The following WDR44 variants were observed in gnomAD, a reference collection of about 807,000 sequenced individuals.
WDR44 encodes the protein WD repeat-containing protein 44.
In WDR44, 9 loss-of-function variants were observed where a neutral mutation model predicts 65.7. That is an observed-to-expected ratio of 0.14 (90% confidence interval 0.08 to 0.24). The LOEUF is 0.24. Among genes scored for constraint, WDR44 ranks in the 10% least tolerant of loss-of-function variants. The pLI is 1.00. For synonymous variants in WDR44, 220 were observed against 235.2 expected, an observed-to-expected ratio of 0.94 and a Z score of 0.59; for missense variants, 425 against 670.9, an observed-to-expected ratio of 0.63 and a Z score of 4.05.
At chrX:118,415,853 C>A (rs911148489) in intron 12 of WDR44, among the ~76,000 whole-genome samples, 2 of 111,561 alleles carry the variant, frequency 1.8e-5, no homozygotes, top group African/African-American at 6.5e-5. Context: ...CCATTTCAAT[C>A]TCGCTGCTTG....
intron 1 of WDR44, among the ~76,000 whole-genome samples, chrX:118,377,115 T>A (rs1339306560): frequency 9.0e-6 from 1 of 111,574 alleles, no homozygotes; most frequent in Non-Finnish European, 1.9e-5. Context: ...CTCAGTACTT[T>A]GAGAGACTGA....
intron 8 of WDR44, among the ~76,000 whole-genome samples, chrX:118,402,458 A>AAAAAAAAAAAG (rs547508565): frequency 1.2e-5 from 1 of 85,369 alleles, no homozygotes; most frequent in African/African-American, 5.7e-5. Context: ...AAAAAAAAAA[A>AAAAAAAAAAAG]ACATTCAGGA....
intron 1 of WDR44, among the ~76,000 whole-genome samples, chrX:118,357,486 C>G (rs1450364689): frequency 6.4e-5 from 7 of 109,395 alleles, no homozygotes; most frequent in Non-Finnish European, 1.1e-4. Flanking sequence ...CTGAGTAGTT[C>G]ACTAATAGAA....
At chrX:118,448,795 T>C in intron 19 of WDR44, 98 bp from the exon 20 acceptor site, 1 of 471,910 alleles carries the variant, frequency 2.1e-6, no homozygotes, top group Non-Finnish European at 3.4e-6. Context: ...GATGATCTTC[T>C]CCCCTGAAGC....
At chrX:118,404,869 T>A (rs890905361) in intron 9 of WDR44, among the ~76,000 whole-genome samples, 1 of 108,475 alleles carries the variant, frequency 9.2e-6, no homozygotes, top group Non-Finnish European at 1.9e-5. Context: ...CCTGGCTAAT[T>A]TTTTGTGTTT....
intron 1 of WDR44, among the ~76,000 whole-genome samples, chrX:118,376,634 G>A (rs2056662604): frequency 9.0e-6 from 1 of 111,506 alleles, no homozygotes; most frequent in South Asian, 3.8e-4. Context: ...ATGCTTTGAA[G>A]CAGATATCAG....
chrX:118,379,259 A>G (rs1408410776), intron 2 of WDR44, among the ~76,000 whole-genome samples: 1 of 111,273 alleles, frequency 9.0e-6, no homozygotes, highest in African/African-American at 3.3e-5. Flanking sequence ...CAGATAGAGT[A>G]TATATTGTAT....
At chrX:118,346,693 C>T (rs896644281) in intron 1 of WDR44, 113 bp downstream of exon 1, 114 of 598,506 alleles carry the variant, frequency 1.9e-4, no homozygotes, top group Non-Finnish European at 4.8e-5. Context: ...GCTGTTCCTC[C>T]CCGTCTCACT....
intron 12 of WDR44, among the ~76,000 whole-genome samples, chrX:118,422,623 G>A (rs948986151): frequency 2.8e-5 from 3 of 108,233 alleles, no homozygotes; most frequent in South Asian, 4.1e-4. Flanking sequence ...ACCGGGAGGC[G>A]GAGGTTGCAG....
intron 1 of WDR44, among the ~76,000 whole-genome samples, chrX:118,357,585 TA>T (rs899939877): frequency 3.6e-5 from 4 of 111,570 alleles, no homozygotes; most frequent in African/African-American, 1.3e-4. Flanking sequence ...CATTTACTTT[TA>T]AAAATTAGTA....
chrX:118,399,757 A>G (rs2056895830), intron 8 of WDR44, among the ~76,000 whole-genome samples: 1 of 111,826 alleles, frequency 8.9e-6, no homozygotes, highest in Non-Finnish European at 1.9e-5. Context: ...AAGTTGACAC[A>G]TAAGAATGTC....
intron 19 of WDR44, among the ~76,000 whole-genome samples, chrX:118,445,546 C>A (rs2057338863): frequency 8.9e-6 from 1 of 112,120 alleles, no homozygotes; most frequent in Non-Finnish European, 1.9e-5. Context: ...CCAAATGAAG[C>A]AGGGCTAATT....
At chrX:118,377,376 T>C (rs936775795) in intron 1 of WDR44, among the ~76,000 whole-genome samples, 5 of 109,956 alleles carry the variant, frequency 4.5e-5, no homozygotes, top group African/African-American at 1.7e-4. Context: ...AAAGAAAAAG[T>C]AAAAGCTGAG....
intron 12 of WDR44, among the ~76,000 whole-genome samples, chrX:118,427,606 T>C (rs1300413063): frequency 1.8e-5 from 2 of 108,186 alleles, no homozygotes; most frequent in African/African-American, 6.7e-5. Context: ...CATTAGTTCA[T>C]ATTATTTGAG....
At chrX:118,372,579 C>A (rs1386371365) in intron 1 of WDR44, among the ~76,000 whole-genome samples, 1 of 110,603 alleles carries the variant, frequency 9.0e-6, no homozygotes, top group Non-Finnish European at 1.9e-5. Context: ...AGCCTCTGAA[C>A]AGTTCAATAA....
chrX:118,404,353 G>A lies in WDR44; in HGVS notation c.1290G>A (p.Lys430=), dbSNP rs1174729361. The A allele has an allele frequency of 8.3e-7, 1 of 1,202,436 alleles. No individual in the cohort carries two copies. Among genetic ancestry groups the A allele is most frequent in the Non-Finnish European group, 1.1e-6 (1 of 891,917 alleles). ...RLKQKTTQLK[K]FLGKSVKRAK... ...TTTTGTTAAGGACTCAACTAAAGAA[G>A]TTTCTTGGAAAATCAGTAAAGAGAG... The change falls in exon 9 of 20, where the codon AAG becomes AAA. Residue 430 remains lysine, a synonymous_variant. Coordinates refer to ENST00000254029, the MANE Select transcript of WDR44 (RefSeq NM_019045.5).
intron 2 of WDR44, among the ~76,000 whole-genome samples, chrX:118,378,735 T>TGTGTGTGTGTGTGTGTGTGTGTGTG (rs1556057149): frequency 1.4e-4 from 15 of 106,452 alleles, no homozygotes; most frequent in Admixed American, 6.2e-4. Flanking sequence ...TGTGTGTGTG[T>TGTGTGTGTGTGTGTGTGTGTGTGTG]TGAAAAAGTG....
chrX:118,389,373 A>G (rs1204318965), intron 3 of WDR44, among the ~76,000 whole-genome samples: 7 of 111,885 alleles, frequency 6.3e-5, no homozygotes, highest in Non-Finnish European at 1.3e-4. Context: ...AGGAATGAAG[A>G]TGACTTCATG....
At chrX:118,409,707 A>G in intron 11 of WDR44, 80 bp downstream of exon 11, 1 of 971,329 alleles carries the variant, frequency 1.0e-6, no homozygotes, top group Non-Finnish European at 1.4e-6. Flanking sequence ...CTTTTCTGGC[A>G]GTCATTTGCA....
Sources: gnomAD v4.1 joint callset for allele counts (sites outside exome capture counted in the v4.1 genomes callset) on GRCh38, gnomAD v4.1.1 for gene constraint, MANE v1.5 for transcripts, NCBI Gene and HGNC (gene_info 2026-07-23, HGNC 2026-07-21) for gene names.